The following PCDHA6 variants were observed in gnomAD, a reference collection of about 807,000 sequenced individuals.
PCDHA6 encodes the protein protocadherin alpha 6.
PCDHA6 carries 55 observed loss-of-function variants against 60.3 expected under a neutral mutation model. That is an observed-to-expected ratio of 0.91 (90% CI 0.73 to 1.14). The LOEUF (loss-of-function observed/expected upper bound fraction) is 1.14, where lower values mean the gene tolerates loss of function less well. Ranked by LOEUF, PCDHA6 falls within the 50% of genes most tolerant of loss-of-function variation. PCDHA6 has a pLI of 0.00. For missense variants in PCDHA6, 1,327 were observed against 1,256.5 expected (o/e 1.06, Z -0.85); for synonymous variants, 652 against 557.9 (o/e 1.17, Z -2.38).
At chr5:140,994,325 A>G (rs879964488) in intron 3 of PCDHA6, among the ~76,000 whole-genome samples, 8 of 152,190 alleles carry the variant, frequency 5.3e-5, no homozygotes, top group African/African-American at 7.2e-5. Flanking sequence ...ACTCTCAGCA[A>G]CCATGAACAG....
intron 1 of PCDHA6, among the ~76,000 whole-genome samples, chr5:140,960,872 AAT>A (rs2095576865): frequency 6.6e-6 from 1 of 152,232 alleles, no homozygotes; most frequent in Admixed American, 6.5e-5. Flanking sequence ...AATTAGCTGA[AAT>A]ACACACTAAT....
In PCDHA6 at chr5:140,982,474, G is replaced by C. The variant is rs2096985354; in HGVS notation, c.2454-1G>C. On this transcript the variant is annotated splice_acceptor_variant, in intron 2 of 3. Coordinates refer to ENST00000529310, the MANE Select transcript of PCDHA6 (RefSeq NM_018909.4). LOFTEE classifies it high-confidence loss of function. ...TTATCTGGGTCTGTGTGTTTATTCA[G>C]CTCTGTGCACCTAGAGGAGGCTGGC... 3 of 1,614,164 alleles carry C rather than the reference G, an allele frequency of 1.9e-6. No individual in the cohort carries two copies. The highest frequency in any genetic ancestry group is 2.5e-6 in the Non-Finnish European group (3 of 1,180,024).
chr5:140,882,070 CA>C, intron 1 of PCDHA6: 1 of 854,288 alleles, frequency 1.2e-6, no homozygotes, highest in Non-Finnish European at 1.8e-6. Flanking sequence ...CGTTCATGCG[CA>C]TGGTGTCGCT....
intron 1 of PCDHA6, chr5:140,882,902 C>T (rs1554176043): frequency 6.2e-7 from 1 of 1,614,196 alleles, no homozygotes; most frequent in Admixed American, 1.7e-5. Flanking sequence ...TAGTTTATTA[C>T]TGACAGCCAG....
rs182070121 is a variant in PCDHA6, at chr5:140,953,927, G to A, written c.2395-25022G>A. On this transcript the variant is annotated intron_variant, in intron 1 of 3. Coordinates refer to ENST00000529310, the MANE Select transcript of PCDHA6 (RefSeq NM_018909.4). ...GCATCCATTAGGTATTCTTCCTGAT[G>A]CTCTCCCTCCCATTGCTCCCCCAAC... Among the ~76,000 whole-genome samples the A allele has an allele frequency of 2.1e-3, 313 of 152,142 alleles. 1 individual carries two copies. The highest frequency in any genetic ancestry group is 7.1e-3 in the African/African-American group (295 of 41,500).
chr5:140,847,219 G>A (rs2150398133), intron 1 of PCDHA6, among the ~76,000 whole-genome samples: 4 of 149,610 alleles, frequency 2.7e-5, no homozygotes, highest in African/African-American at 9.8e-5. Context: ...GAATTAATTG[G>A]GAGCTATTTA....
At chr5:140,858,195 A>G in intron 1 of PCDHA6, 1 of 1,597,156 alleles carries the variant, frequency 6.3e-7, no homozygotes, top group East Asian at 2.2e-5. Flanking sequence ...CTGCTGCTGT[A>G]CACTGCACTG....
chr5:140,947,882 T>C (rs1554218353), intron 1 of PCDHA6, among the ~76,000 whole-genome samples: 1 of 151,580 alleles, frequency 6.6e-6, no homozygotes, highest in Non-Finnish European at 1.5e-5. Context: ...TCCAGGACAA[T>C]ATAAACAGAA....
chr5:140,930,747 CAT>C (rs2087070106), intron 1 of PCDHA6, among the ~76,000 whole-genome samples: 1 of 152,116 alleles, frequency 6.6e-6, no homozygotes, highest in Non-Finnish European at 1.5e-5. Context: ...AATAAATTTA[CAT>C]ATGTTAAAAT....
Position 140,850,315 on chromosome 5 carries a change from T to G in PCDHA6, c.2394+19830T>G, listed in dbSNP as rs2150479120. 2.9e-5 allele frequency: 47 copies of G among 1,597,110 alleles called. 5 individuals are homozygous for G. Among genetic ancestry groups the G allele is most frequent in the Non-Finnish European group, 3.9e-5 (45 of 1,167,642 alleles). On this transcript the variant is annotated intron_variant, in intron 1 of 3. Coordinates refer to ENST00000529310, the MANE Select transcript of PCDHA6 (RefSeq NM_018909.4). ...GCCGACTCGGGCTACAACGCGTGGC[T>G]TTCATACGAGCTGCAGCCAGAAACG... is the stretch of plus-strand genomic sequence containing the variant.
chr5:140,869,250 G>T lies in PCDHA6; in HGVS notation c.2394+38765G>T, dbSNP rs371660992. ...ACGGCACCTTCGTGGGCCGCATCGC[G>T]CAGGACCTGGGGCTGGAGCTGGCGG... On this transcript the variant is annotated intron_variant, in intron 1 of 3. Transcript: ENST00000529310. The T allele has an allele frequency of 8.4e-5, 135 of 1,613,518 alleles. No homozygotes were observed. In the Middle Eastern group the frequency reaches 1.0e-3, roughly 13 times the overall value.
At chr5:140,868,689 T>A (rs951881699) in intron 1 of PCDHA6, 4 of 174,918 alleles carry the variant, frequency 2.3e-5, no homozygotes, top group Admixed American at 2.1e-4. Flanking sequence ...GTTATAATGT[T>A]AAGTCAAACA....
chr5:140,994,473 C>T (rs1199561805), intron 3 of PCDHA6, among the ~76,000 whole-genome samples: 2 of 152,038 alleles, frequency 1.3e-5, no homozygotes, highest in Admixed American at 6.5e-5. Flanking sequence ...GAGGCTGAGG[C>T]GGGTGGATTG....
chr5:140,830,282 G>T lies in PCDHA6; in HGVS notation c.2191G>T (p.Ala731Ser), dbSNP rs2150184227. The change falls in exon 1 of 4, where the codon GCG becomes TCG. Residue 731 changes from alanine to serine, a missense_variant. Ala to Ser is a moderately conservative substitution (Grantham distance 99, BLOSUM62 1). Coordinates refer to ENST00000529310, the MANE Select transcript of PCDHA6 (RefSeq NM_018909.4). ...GTGCTCGGCGCCACCCACCGAGGGC[G>T]CGTGCACGGCGGACAAGCCCACGCT... ...LRCSAPPTEGACTADKPTLVC... is the reference protein window; with the variant it reads ...LRCSAPPTEGSCTADKPTLVC... The T allele has an allele frequency of 2.5e-6, 4 of 1,613,822 alleles. No homozygotes were observed. The highest frequency in any genetic ancestry group is 1.7e-5 in the Admixed American group (1 of 59,992).
intron 1 of PCDHA6, among the ~76,000 whole-genome samples, chr5:140,944,781 G>T (rs1404959208): frequency 6.6e-6 from 1 of 152,114 alleles, no homozygotes; most frequent in Non-Finnish European, 1.5e-5. Context: ...TCCTGTTATT[G>T]TATTTTACAA....
chr5:140,877,508 C>G (rs892674985), intron 1 of PCDHA6: 1 of 1,613,808 alleles, frequency 6.2e-7, no homozygotes, highest in Admixed American at 1.7e-5. Flanking sequence ...CCAAAGACGT[C>G]GTCGCGGGCC....
chr5:140,988,658 T>C (rs1470835683), intron 3 of PCDHA6, among the ~76,000 whole-genome samples: 7 of 152,232 alleles, frequency 4.6e-5, no homozygotes, highest in African/African-American at 9.6e-5. Flanking sequence ...TTTTTGTTTA[T>C]GAATAGACTC....
At chr5:140,841,743 T>A (rs1554138513) in intron 1 of PCDHA6, 1 of 1,613,818 alleles carries the variant, frequency 6.2e-7, no homozygotes, top group Admixed American at 1.7e-5. Context: ...CAAAAGCTGT[T>A]TGTTTCAGAA....
intron 1 of PCDHA6, chr5:140,870,969 C>T: frequency 1.2e-6 from 2 of 1,613,644 alleles, no homozygotes; most frequent in Non-Finnish European, 1.7e-6. Context: ...TCCCGTTCCG[C>T]GTGGGGCTGT....
Sources: gnomAD v4.1 joint callset for allele counts (sites outside exome capture counted in the v4.1 genomes callset) on GRCh38, gnomAD v4.1.1 for gene constraint, MANE v1.5 for transcripts, NCBI Gene and HGNC (gene_info 2026-07-23, HGNC 2026-07-21) for gene names.